The following SYNPO2L variants were observed in gnomAD, a reference collection of about 807,000 sequenced individuals.
SYNPO2L encodes the protein synaptopodin 2-like protein.
A neutral mutation model predicts 47.5 loss-of-function variants in SYNPO2L; 34 were observed. The ratio of observed to expected loss-of-function variants is 0.72; its 90% CI spans 0.54 to 0.95. The LOEUF is 0.95. SYNPO2L is among the 40% of genes least tolerant of loss of function. The pLI is 0.00. For synonymous variants in SYNPO2L, 536 were observed against 524.9 expected (o/e 1.02, Z -0.29); for missense variants, 1,246 against 1,282.0 (o/e 0.97, Z 0.43).
chr10:73,647,528 T>C lies in SYNPO2L; in HGVS notation c.2124A>G (p.Pro708=). ...TAGGGGGCGGGGTCTTGGGAGCCAT[T>C]GGAGGGGGGGTCTTAGGTGTCACGT... ...LPHVTPKTPP[P]MAPKTPPPMT... Residue 708 remains proline (P), a synonymous_variant, in exon 4 of 4, where the codon CCA becomes CCG. Transcript: ENST00000394810. 6.4e-7 allele frequency: 1 copy of C among 1,568,954 alleles called. No individual in the cohort carries two copies. Among genetic ancestry groups the C allele is most frequent in the Non-Finnish European group, 8.7e-7 (1 of 1,154,312 alleles).
rs2081757885 is a variant in SYNPO2L at position 73,646,867 on chromosome 10, CA to C, written c.2784del (p.Val929PhefsTer25). On this transcript the variant is annotated frameshift_variant, in exon 4 of 4. Coordinates refer to ENST00000394810, the MANE Select transcript of SYNPO2L (RefSeq NM_001114133.3). LOFTEE classifies it high-confidence loss of function. The part of the protein sequence containing the change: ...PIWRTELASA[P>X]VPSPAPPPEA... ...TCTGGAGGAGGGGCTGGGCTAGGAA[CA>C]GGGGCTGAGGCCAGTTCTGTTCTCC... 4 of 1,559,574 alleles carry C rather than the reference CA, an allele frequency of 2.6e-6. No individual in the cohort carries two copies. The East Asian group carries it at 9.1e-5, about 35-fold the overall frequency.
intron 3 of SYNPO2L, chr10:73,649,991 G>A (rs996690281): frequency 2.0e-6 from 2 of 985,324 alleles, no homozygotes; most frequent in African/African-American, 3.5e-5. Context: ...AGAGAGCTCA[G>A]GCAGCCACTG....
intron 1 of SYNPO2L, 90 bp downstream of exon 1, chr10:73,655,728 C>G (rs553519789): frequency 1.6e-5 from 5 of 303,348 alleles, no homozygotes; most frequent in African/African-American, 9.7e-5. Flanking sequence ...TCCCACCCCC[C>G]CAACCCCCGC....
chr10:73,654,839 C>CA (rs113157490), intron 1 of SYNPO2L, among the ~76,000 whole-genome samples: 19,311 of 147,222 alleles, frequency 0.13, 2,904 homozygotes, highest in African/African-American at 0.36. Context: ...GACTCTGTCG[C>CA]AAAAAAAAAG....
chr10:73,645,395 A>C lies in SYNPO2L; in HGVS notation c.*1323T>G. ...TTCTGTCTGTGGCTCAATCACTTAC[A>C]CTCATTTCTGCCATGCTTCTGATTT... On this transcript the variant is annotated 3_prime_UTR_variant, in exon 4 of 4. Coordinates refer to ENST00000394810, the MANE Select transcript of SYNPO2L (RefSeq NM_001114133.3). 3 of 1,001,708 alleles carry C rather than the reference A, an allele frequency of 3.0e-6. No homozygotes were observed. The highest frequency in any genetic ancestry group is 2.4e-6 in the Non-Finnish European group (2 of 841,676). The allele number at this position is 1,001,708 out of a possible 1,614,324, so 62.1% of individuals were successfully genotyped here.
Position 73,646,586 on chromosome 10 carries a change from T to G in SYNPO2L, c.*132A>C, listed in dbSNP as rs983488240. On this transcript the variant is annotated 3_prime_UTR_variant, in exon 4 of 4. Coordinates refer to ENST00000394810, the MANE Select transcript of SYNPO2L (RefSeq NM_001114133.3). ...AGGAGGAAGGTGGGGGAAGGGGACA[T>G]CAACTTGGAAACCATCTCTGGCAGG... is the stretch of plus-strand genomic sequence containing the variant. 8.3e-6 allele frequency: 11 copies of G among 1,323,162 alleles called. No individual in the cohort carries two copies. The Middle Eastern group carries it at 2.4e-3, about 283-fold the overall frequency. 82.0% of individuals were successfully genotyped at this position (1,323,162 alleles called of 1,614,324 possible).
chr10:73,646,828 G>T lies in SYNPO2L; in HGVS notation c.2824C>A (p.Leu942Ile). Residue 942 changes from leucine (L) to isoleucine (I), a missense_variant, in exon 4 of 4, where the codon CTT (leucine) becomes ATT (isoleucine). Transcript: ENST00000394810. ...CCGCAGGAGCTGGGAGAAGCCCCAA[G>T]GCCCCTGGGAGCCTCTGGAGGAGGG... ...PAPPPEAPRG[L>I]GASPSSCGFQ... 1 of 1,549,306 alleles carries T rather than the reference G, an allele frequency of 6.5e-7. No homozygotes were observed. Among genetic ancestry groups the T allele is most frequent in the Non-Finnish European group, 8.7e-7 (1 of 1,150,484 alleles).
At position 73,647,457 on chromosome 10, in the gene SYNPO2L, C is replaced by T. The variant is rs370617240; in HGVS notation, c.2195G>A (p.Arg732Gln). 1.2e-6 allele frequency: 2 copies of T among 1,601,232 alleles called. No individual in the cohort carries two copies. Among genetic ancestry groups the T allele is most frequent in the African/African-American group, 1.3e-5 (1 of 74,288 alleles). Residue 732 changes from arginine (R) to glutamine (Q), a missense_variant, in exon 4 of 4, where the codon CGA becomes CAA. Physicochemically the swap from Arg to Gln is conservative, Grantham distance 43. Transcript: ENST00000394810. ...PPPVAPKPPS[R>Q]GLLDGLVNGA... is the part of the protein sequence containing the mutation. Reference sequence around the variant, plus strand: ...ATTCACGAGCCCATCAAGGAGCCCTCGAGATGGGGGCTTAGGAGCCACTGG... The same window carrying T: ...ATTCACGAGCCCATCAAGGAGCCCTTGAGATGGGGGCTTAGGAGCCACTGG...
chr10:73,645,308 A>G lies in SYNPO2L; in HGVS notation c.*1410T>C. ...TTTTTTTCCAATCCCCCTCTCACAC[A>G]CGGTTGGTTTCTTGTTACTCAACTT... On this transcript the variant is annotated 3_prime_UTR_variant, in exon 4 of 4. Transcript: ENST00000394810. The G allele has an allele frequency of 9.2e-7, 1 of 1,081,844 alleles. No individual in the cohort carries two copies. Among genetic ancestry groups the G allele is most frequent in the East Asian group, 1.1e-4 (1 of 9,138 alleles). The allele number at this position is 1,081,844 out of a possible 1,614,324, so 67.0% of individuals were successfully genotyped here.
At position 73,654,172 on chromosome 10, in the gene SYNPO2L, G is replaced by A. The variant is rs1205017738; in HGVS notation, c.214C>T (p.Leu72Phe). 1.3e-6 allele frequency: 2 copies of A among 1,551,700 alleles called. No individual in the cohort carries two copies. Among genetic ancestry groups the A allele is most frequent in the Non-Finnish European group, 1.7e-6 (2 of 1,146,976 alleles). The change falls in exon 2 of 4, where the codon CTC (leucine) becomes TTC (phenylalanine). Residue 72 changes from leucine to phenylalanine, a missense_variant. Physicochemically the swap from Leu to Phe is conservative, Grantham distance 22 (BLOSUM62 0). Transcript: ENST00000394810. ...AGCTGATTTCCTGAGGCATCGATGA[G>A]GCTCATGGCACTGGCATGGGAGAGG... ...TNLSHASAMS[L>F]IDASGNQLVL...
rs750341706 is a variant in SYNPO2L at position 73,647,066 on chromosome 10, G to C, written c.2586C>G (p.Phe862Leu). The change falls in exon 4 of 4, where the codon TTC becomes TTG. Residue 862 changes from phenylalanine (F) to leucine (L), a missense_variant. Phe to Leu is a conservative substitution (Grantham distance 22). This residue lies in a region of SYNPO2L where 1,037 missense variants were observed against 1,021.5 expected (regional missense o/e 1.02). Transcript: ENST00000394810. ...GAGTCGGGGGAACCTCATCAAAACA[G>C]AACATGGCAGTTTTAAGTTGATAGG... ...HQPYQLKTAM[F>L]CFDEVPPTPG... The C allele has an allele frequency of 1.2e-6, 2 of 1,613,990 alleles. No homozygotes were observed. The highest frequency in any genetic ancestry group is 3.3e-5 in the Admixed American group (2 of 60,014).
intron 3 of SYNPO2L, chr10:73,650,206 C>T (rs972861639): frequency 1.0e-5 from 10 of 985,252 alleles, no homozygotes; most frequent in Non-Finnish European, 1.1e-5. Flanking sequence ...ACTCAAGGTA[C>T]CATGCTCCTT....
In SYNPO2L at chr10:73,646,272, G is replaced by A; in HGVS notation, c.*446C>T. 2.0e-6 allele frequency: 2 copies of A among 992,894 alleles called. No individual in the cohort carries two copies. Among genetic ancestry groups the A allele is most frequent in the Non-Finnish European group, 2.4e-6 (2 of 835,778 alleles). The allele number at this position is 992,894 out of a possible 1,614,324, so 61.5% of individuals were successfully genotyped here. On this transcript the variant is annotated 3_prime_UTR_variant, in exon 4 of 4. Coordinates refer to ENST00000394810, the MANE Select transcript of SYNPO2L (RefSeq NM_001114133.3). ...GAAAGCAGAGTGGGGGGTGGGGGTGGCTTAGTGCAAACAGGGGTCAGTTCA... is the reference window on the plus strand; with the variant it reads ...GAAAGCAGAGTGGGGGGTGGGGGTGACTTAGTGCAAACAGGGGTCAGTTCA...
rs763695162 is a variant in SYNPO2L at position 73,648,547 on chromosome 10, AT to A, written c.1104del (p.Ser369GlnfsTer12). On this transcript the variant is annotated frameshift_variant, in exon 4 of 4. Coordinates refer to ENST00000394810, the MANE Select transcript of SYNPO2L (RefSeq NM_001114133.3). LOFTEE classifies it low-confidence loss of function (END_TRUNC). ...DMELARAGSR[A>X]SEGQGSGLGG... is the part of the protein sequence containing the mutation. ...CCCAGCCCAGAGCCCTGGCCCTCTG[AT>A]GCTCTTGAGCCCGCCCTGGCAAGCT... 1.2e-6 allele frequency: 2 copies of A among 1,614,130 alleles called. No homozygotes were observed. The highest frequency in any genetic ancestry group is 2.2e-5 in the South Asian group (2 of 91,086).
At chr10:73,651,814 G>A (rs1318470287) in intron 3 of SYNPO2L, among the ~76,000 whole-genome samples, 5 of 152,192 alleles carry the variant, frequency 3.3e-5, no homozygotes, top group Admixed American at 2.0e-4. Context: ...AATGGCTCAC[G>A]CCTGCAATCC....
chr10:73,648,668 G>A lies in SYNPO2L; in HGVS notation c.984C>T (p.Pro328=), dbSNP rs779186176. The A allele has an allele frequency of 1.2e-6, 2 of 1,610,782 alleles. No individual in the cohort carries two copies. Among genetic ancestry groups the A allele is most frequent in the Non-Finnish European group, 1.7e-6 (2 of 1,177,170 alleles). Residue 328 remains proline, a synonymous_variant, in exon 4 of 4, where the codon CCC becomes CCT. Coordinates refer to ENST00000394810, the MANE Select transcript of SYNPO2L (RefSeq NM_001114133.3). Reference sequence around the variant, plus strand: ...CGTCCAGCTCGGACTCACTCGTGGGGGGAACGCCGTCCTCCTCCTCAGCGC... The same window carrying A: ...CGTCCAGCTCGGACTCACTCGTGGGAGGAACGCCGTCCTCCTCCTCAGCGC... ...GTGAEEEDGV[P]PTSESELDEE...
Position 73,651,147 on chromosome 10 carries a change from T to C in SYNPO2L, c.772+1992A>G, listed in dbSNP as rs111338288. 179 of 1,297,732 alleles carry C rather than the reference T, an allele frequency of 1.4e-4. No individual in the cohort carries two copies. In the African/African-American group the frequency reaches 2.0e-3, roughly 14 times the overall value. The allele number at this position is 1,297,732 out of a possible 1,614,324, so 80.4% of individuals were successfully genotyped here. On this transcript the variant is annotated intron_variant, in intron 3 of 3. Transcript: ENST00000394810. ...TTTTGGAGCCTGGCCCTCTCCCTTC[T>C]CTGGGCTGCCCCACAAGTGCCGGTG...
Position 73,648,839 on chromosome 10 carries a change from T to C in SYNPO2L, c.813A>G (p.Lys271=). ...RAESLQEKSI[K]EAKTKCRTIA... ...TTGTCCTGCATTTGGTCTTGGCCTC[T>C]TTTATGCTCTTCTCTTGGAGGCTCT... The change falls in exon 4 of 4, where the codon AAA becomes AAG. Residue 271 remains lysine (K), a synonymous_variant. Transcript: ENST00000394810. The C allele has an allele frequency of 6.5e-7, 1 of 1,546,962 alleles. No individual in the cohort carries two copies. Among genetic ancestry groups the C allele is most frequent in the South Asian group, 1.2e-5 (1 of 80,606 alleles).
chr10:73,646,309 G>C lies in SYNPO2L; in HGVS notation c.*409C>G. On this transcript the variant is annotated 3_prime_UTR_variant, in exon 4 of 4. Coordinates refer to ENST00000394810, the MANE Select transcript of SYNPO2L (RefSeq NM_001114133.3). ...CAGGGGTCAGTTCAGTCCCTTTGCT[G>C]TGTGCCTGGTGGTGAGCTTCTTGCC... is the stretch of plus-strand genomic sequence containing the variant. 1 of 997,498 alleles carries C rather than the reference G, an allele frequency of 1.0e-6. No homozygotes were observed. The highest frequency in any genetic ancestry group is 1.2e-6 in the Non-Finnish European group (1 of 838,588). The allele number at this position is 997,498 out of a possible 1,614,324, so 61.8% of individuals were successfully genotyped here.
Sources: gnomAD v4.1 joint callset for allele counts (sites outside exome capture counted in the v4.1 genomes callset) on GRCh38, gnomAD v4.1.1 for gene constraint, gnomAD v4.1.1 regional missense constraint, MANE v1.5 for transcripts, NCBI Gene and HGNC (gene_info 2026-07-23, HGNC 2026-07-21) for gene names.